EPG5: variants seen among roughly 807,000 people sequenced by gnomAD.
EPG5 encodes the protein ectopic P-granules 5 autophagy tethering factor, also known as ectopic P granules protein 5 homolog.
In EPG5, 159 loss-of-function variants were observed where a neutral mutation model predicts 302.7. That is an observed-to-expected ratio of 0.53 (90% CI 0.46 to 0.60). EPG5 has a LOEUF of 0.60. EPG5 is among the 20% of genes least tolerant of loss of function. The pLI is 0.00. For synonymous variants in EPG5, 1,158 were observed against 1,136.8 expected (o/e 1.02, Z -0.37); for missense variants, 2,896 against 3,092.4 (o/e 0.94, Z 1.51).
intron 42 of EPG5, among the ~76,000 whole-genome samples, 153 bp from the exon 43 acceptor site, chr18:45,855,840 G>A (rs1187775277): frequency 6.6e-6 from 1 of 152,168 alleles, no homozygotes; most frequent in Admixed American, 6.5e-5. Context: ...ATATGATCAA[G>A]AAGAAGTTTT....
At chr18:45,917,314 A>C (rs2050055497) in intron 17 of EPG5, among the ~76,000 whole-genome samples, 1 of 152,214 alleles carries the variant, frequency 6.6e-6, no homozygotes, top group Non-Finnish European at 1.5e-5. Context: ...GTGCACTGTA[A>C]ACAATTTAAA....
In EPG5 at chr18:45,852,624, G is replaced by C. The variant is rs201736917; in HGVS notation, c.7583C>G (p.Ala2528Gly). 3.1e-6 allele frequency: 5 copies of C among 1,614,046 alleles called. No homozygotes were observed. Among genetic ancestry groups the C allele is most frequent in the Non-Finnish European group, 4.2e-6 (5 of 1,179,974 alleles). The change falls in exon 44 of 44, where the codon GCA (alanine) becomes GGA (glycine). Residue 2528 changes from alanine to glycine, a missense_variant. Transcript: ENST00000282041. ...QQALNALESM[A>G]SSKQYVEYQD... ...GTATTCAACATACTGCTTACTTGAT[G>C]CCATGGATTCAAGAGCATTCAGAGC...
At chr18:45,967,077 G>A in intron 1 of EPG5, 100 bp downstream of exon 1, 1 of 1,175,680 alleles carries the variant, frequency 8.5e-7, no homozygotes, top group Non-Finnish European at 1.2e-6. Flanking sequence ...GATGCAGAGG[G>A]CTCAGGGAAC....
Position 45,907,988 on chromosome 18 carries a change from G to A in EPG5, c.4299C>T (p.His1433=), listed in dbSNP as rs372102804. 1.3e-6 allele frequency: 2 copies of A among 1,586,248 alleles called. No homozygotes were observed. Among genetic ancestry groups the A allele is most frequent in the Admixed American group, 3.8e-5 (2 of 52,642 alleles). Residue 1433 remains histidine (H), a synonymous_variant, in exon 24 of 44, where the codon CAC becomes CAT. Coordinates refer to ENST00000282041, the MANE Select transcript of EPG5 (RefSeq NM_020964.3). ...GATTCTGCATCACTTTTGCTAGCCT[G>A]TGAATATCATAATGCTTTGGTAGAG... is the stretch of plus-strand genomic sequence containing the variant. The part of the protein sequence containing the change: ...IPSLPKHYDI[H]RLAKVMQNQQ...
intron 13 of EPG5, 97 bp from the exon 14 acceptor site, chr18:45,925,999 C>A: frequency 1.2e-6 from 1 of 811,894 alleles, no homozygotes; most frequent in Non-Finnish European, 1.7e-6. Flanking sequence ...AAAAAAATTT[C>A]TCCAAAAGGA....
In EPG5 at chr18:45,849,288, A is replaced by T. The variant is rs1457236160; in HGVS notation, c.*3179T>A. 6.6e-6 allele frequency: 1 copy of T among 152,316 alleles called. No homozygotes were observed. Among genetic ancestry groups the T allele is most frequent in the Non-Finnish European group, 1.5e-5 (1 of 68,114 alleles). The allele number at this position is 152,316 out of a possible 1,614,324, so 9.4% of individuals were successfully genotyped here. A position where few individuals can be genotyped will look rare whatever the true frequency, so the allele number is the denominator to read the frequency against. ...AGGCAACGTAGAAACATCTTGGTTC[A>T]ATAGAAAGCAGAACTACAGAGCCTG... is the stretch of plus-strand genomic sequence containing the variant. On this transcript the variant is annotated 3_prime_UTR_variant, in exon 44 of 44. Transcript: ENST00000282041.
the EPG5 span, among the ~76,000 whole-genome samples, chr18:45,800,949 G>T: frequency 6.6e-6 from 1 of 152,180 alleles, no homozygotes; most frequent in Non-Finnish European, 1.5e-5. Context: ...TTTGAAAGAG[G>T]TGGTGTATAG....
intron 12 of EPG5, 138 bp downstream of exon 12, chr18:45,930,538 G>T: frequency 1.7e-6 from 1 of 581,804 alleles, no homozygotes; most frequent in Non-Finnish European, 2.9e-6. Flanking sequence ...ATGTTCCACT[G>T]ATTCTCTATC....
At chr18:45,806,990 C>T in the EPG5 span, among the ~76,000 whole-genome samples, 2 of 152,266 alleles carry the variant, frequency 1.3e-5, no homozygotes, top group Admixed American at 1.3e-4. Flanking sequence ...GCCCTGCTCG[C>T]CCATTGCCTG....
At chr18:45,829,678 AG>A in the EPG5 span, among the ~76,000 whole-genome samples, 1 of 152,154 alleles carries the variant, frequency 6.6e-6, no homozygotes, top group Non-Finnish European at 1.5e-5. Context: ...CAAGGAGGGT[AG>A]CCCCTCCCAG....
Position 45,872,528 on chromosome 18 carries a change from A to G in EPG5, c.6050-1786T>C, listed in dbSNP as rs181513662. On this transcript the variant is annotated intron_variant, in intron 35 of 43. Transcript: ENST00000282041. The stretch of plus-strand genomic sequence containing the variant: ...AGACTAACCTGGCCAACATGGTGAA[A>G]CTCTGTCTCTACCAAAAATACAAAA... 7.9e-5 allele frequency among the ~76,000 whole-genome samples: 12 copies of G among 152,300 alleles called. No homozygotes were observed. In the East Asian group the frequency reaches 2.1e-3, roughly 27 times the overall value.
the EPG5 span, among the ~76,000 whole-genome samples, chr18:45,802,899 G>C: frequency 6.6e-6 from 1 of 152,184 alleles, no homozygotes; most frequent in Non-Finnish European, 1.5e-5. Flanking sequence ...AGCATTAGTA[G>C]GTGGCCTGAC....
At chr18:45,937,973 T>C (rs186596574) in intron 10 of EPG5, among the ~76,000 whole-genome samples, 1 of 152,118 alleles carries the variant, frequency 6.6e-6, no homozygotes. Context: ...AGTAAGTAAC[T>C]AGGATGAGAG....
intron 13 of EPG5, among the ~76,000 whole-genome samples, chr18:45,927,754 A>G (rs1208835138): frequency 6.6e-6 from 1 of 152,194 alleles, no homozygotes; most frequent in Non-Finnish European, 1.5e-5. Flanking sequence ...ACCATATATT[A>G]CATAGTTCCA....
intron 4 of EPG5, among the ~76,000 whole-genome samples, chr18:45,950,527 T>G (rs537263111): frequency 4.5e-4 from 69 of 152,360 alleles, no homozygotes; most frequent in African/African-American, 1.7e-3. Flanking sequence ...TTCTGAGACC[T>G]CCTCAGCCAT....
intron 29 of EPG5, among the ~76,000 whole-genome samples, chr18:45,887,335 A>C (rs573846446): frequency 6.6e-6 from 1 of 152,184 alleles, no homozygotes; most frequent in East Asian, 1.9e-4. Flanking sequence ...CTCCACACTC[A>C]CCAGCTGAAT....
chr18:45,880,778 G>C (rs1211470585), intron 31 of EPG5, among the ~76,000 whole-genome samples: 1 of 152,132 alleles, frequency 6.6e-6, no homozygotes, highest in Non-Finnish European at 1.5e-5. Flanking sequence ...CACAGGACAG[G>C]AATAATATCT....
At chr18:45,828,547 C>G in the EPG5 span, among the ~76,000 whole-genome samples, 1 of 152,214 alleles carries the variant, frequency 6.6e-6, no homozygotes, top group Non-Finnish European at 1.5e-5. Context: ...GCAGATATCA[C>G]AACCACAACC....
intron 31 of EPG5, 96 bp downstream of exon 31, chr18:45,882,178 T>C (rs548009320): frequency 9.2e-7 from 1 of 1,088,286 alleles, no homozygotes; most frequent in Non-Finnish European, 1.3e-6. Flanking sequence ...ATACTGGTAT[T>C]ACTTTCATAT....
Sources: allele counts gnomAD v4.1 joint callset (sites outside exome capture counted in the v4.1 genomes callset), GRCh38; gene constraint gnomAD v4.1.1; transcripts MANE v1.5; gene names NCBI Gene and HGNC (gene_info 2026-07-23, HGNC 2026-07-21).